NINL: variants seen among roughly 807,000 people sequenced by gnomAD.
NINL encodes ninein like.
Under a neutral mutation model 160.3 loss-of-function variants are expected in NINL, and 153 were observed. That is an observed-to-expected ratio of 0.95 (90% CI 0.84 to 1.09). The LOEUF (loss-of-function observed/expected upper bound fraction) is 1.09. Among genes scored for constraint, NINL ranks in the 50% least tolerant of loss-of-function variants. NINL has a pLI of 0.00. For synonymous variants in NINL, 800 were observed against 734.8 expected, an observed-to-expected ratio of 1.09 and a Z score of -1.43; for missense variants, 1,829 against 1,764.0, an observed-to-expected ratio of 1.04 and a Z score of -0.66.
chr20:25,455,999 G>A (rs574023851), intron 22 of NINL, among the ~76,000 whole-genome samples: 2 of 152,186 alleles, frequency 1.3e-5, no homozygotes, highest in African/African-American at 4.8e-5. Context: ...GGGAGGCTGA[G>A]GCAGGAGAAT....
At position 25,453,435 on chromosome 20, in the gene NINL, A is replaced by G; in HGVS notation, c.*16T>C. ...AAAGATGTGCTTTCGAATGAATCCT[A>G]GAAAATAATCTGTCTTTACACAGAG... On this transcript the variant is annotated 3_prime_UTR_variant, in exon 24 of 24. Transcript: ENST00000278886. 1 of 1,575,838 alleles carries G rather than the reference A, an allele frequency of 6.3e-7. No homozygotes were observed. Among genetic ancestry groups the G allele is most frequent in the Non-Finnish European group, 8.6e-7 (1 of 1,159,054 alleles).
intron 1 of NINL, among the ~76,000 whole-genome samples, chr20:25,550,448 T>C (rs2064793246): frequency 6.6e-6 from 1 of 151,894 alleles, no homozygotes; most frequent in East Asian, 1.9e-4. Flanking sequence ...TGAGGAAAAG[T>C]GGGCCCAGGG....
intron 23 of NINL, 83 bp downstream of exon 23, chr20:25,455,590 G>T: frequency 2.1e-6 from 2 of 947,536 alleles, no homozygotes; most frequent in Non-Finnish European, 3.4e-6. Flanking sequence ...GCCTTTTCCT[G>T]TATTAGCTAC....
chr20:25,574,296 A>C (rs1056496402), intron 1 of NINL, among the ~76,000 whole-genome samples: 1 of 152,214 alleles, frequency 6.6e-6, no homozygotes, highest in Non-Finnish European at 1.5e-5. Context: ...CATTTCAAGA[A>C]ACAAAGCTAG....
chr20:25,464,891 G>A lies in NINL; in HGVS notation c.3424-2350C>T, dbSNP rs1021821887. Among the ~76,000 whole-genome samples, 4 of 152,264 alleles carry A rather than the reference G, an allele frequency of 2.6e-5. No homozygotes were observed. In the South Asian group the frequency reaches 8.3e-4, roughly 32 times the overall value. ...TTTGTCTGGTGCTTCCTTGTGACTC[G>A]AGTGACAAGTTCCTGGGCAGACACT... is the stretch of plus-strand genomic sequence containing the variant. On this transcript the variant is annotated intron_variant, in intron 19 of 23. Transcript: ENST00000278886.
At chr20:25,540,048 T>A (rs1463083880) in intron 1 of NINL, 1 of 1,288,240 alleles carries the variant, frequency 7.8e-7, no homozygotes, top group Admixed American at 2.3e-5. Flanking sequence ...CCTCTTCAGT[T>A]TCTTCTTCAT....
At chr20:25,487,719 T>C (rs1181203371) in intron 13 of NINL, among the ~76,000 whole-genome samples, 1 of 152,246 alleles carries the variant, frequency 6.6e-6, no homozygotes, top group Non-Finnish European at 1.5e-5. Flanking sequence ...AAAGTAACTT[T>C]TCTGTATTGT....
intron 1 of NINL, among the ~76,000 whole-genome samples, chr20:25,559,333 C>G (rs937999473): frequency 6.6e-6 from 1 of 151,868 alleles, no homozygotes; most frequent in Non-Finnish European, 1.5e-5. Flanking sequence ...CTCCACCTCC[C>G]AGGTTCAAGT....
chr20:25,566,011 C>T (rs138356567), intron 1 of NINL, among the ~76,000 whole-genome samples: 2,552 of 152,302 alleles, frequency 0.017, 30 homozygotes, highest in South Asian at 0.048. Flanking sequence ...CAGACCTGGC[C>T]TCAGCCATGC....
intron 16 of NINL, 73 bp from the exon 17 acceptor site, chr20:25,477,162 A>G: frequency 7.2e-7 from 1 of 1,391,770 alleles, no homozygotes; most frequent in Non-Finnish European, 9.5e-7. Context: ...AAGTCTGCCC[A>G]GCTGTTGCAA....
chr20:25,456,330 C>T (rs1398848194), intron 22 of NINL, among the ~76,000 whole-genome samples: 1 of 149,302 alleles, frequency 6.7e-6, no homozygotes, highest in Non-Finnish European at 1.5e-5. Flanking sequence ...GGCGGATTAC[C>T]TGAGCTCAGG....
intron 1 of NINL, among the ~76,000 whole-genome samples, chr20:25,547,469 G>A (rs945903211): frequency 3.9e-5 from 6 of 152,270 alleles, no homozygotes; most frequent in African/African-American, 4.8e-5. Context: ...AGGTCACAAC[G>A]TGGGACTCAT....
At chr20:25,508,208 C>T (rs1450413225) in intron 5 of NINL, among the ~76,000 whole-genome samples, 1 of 152,202 alleles carries the variant, frequency 6.6e-6, no homozygotes, top group Non-Finnish European at 1.5e-5. Context: ...CAAAAAATGG[C>T]CCTGGCATTC....
In NINL at chr20:25,461,513, C is replaced by A; in HGVS notation, c.3696+9G>T. On this transcript the variant is annotated intron_variant, in intron 21 of 23. Transcript: ENST00000278886. ...GGACCCAGTGCCTCCAGCCATCGCTCACACCCACCTGGTCTTGACTTTCCT... is the reference window on the plus strand; with the variant it reads ...GGACCCAGTGCCTCCAGCCATCGCTAACACCCACCTGGTCTTGACTTTCCT... 1 of 1,525,716 alleles carries A rather than the reference C, an allele frequency of 6.6e-7. No homozygotes were observed. The highest frequency in any genetic ancestry group is 1.3e-5 in the South Asian group (1 of 78,322). 94.5% of individuals were successfully genotyped at this position (1,525,716 alleles called of 1,614,324 possible).
intron 19 of NINL, among the ~76,000 whole-genome samples, chr20:25,464,522 C>T (rs1482455412): frequency 6.6e-6 from 1 of 152,220 alleles, no homozygotes; most frequent in Non-Finnish European, 1.5e-5. Flanking sequence ...GGGAAACCAA[C>T]CTGCCTTCCA....
chr20:25,473,494 TAAATAAAATAAAATA>T (rs71185303), intron 17 of NINL, among the ~76,000 whole-genome samples: 26 of 142,168 alleles, frequency 1.8e-4, no homozygotes, highest in East Asian at 6.2e-4. Context: ...AATAATAAAA[TAAATAAAATAAAATA>T]AAATAAAATA....
intron 1 of NINL, among the ~76,000 whole-genome samples, chr20:25,531,466 A>G (rs2064462743): frequency 6.6e-6 from 1 of 152,208 alleles, no homozygotes; most frequent in Non-Finnish European, 1.5e-5. Context: ...AATCTTCACA[A>G]TTTATGTTCA....
chr20:25,506,135 G>A (rs887753319), intron 5 of NINL, among the ~76,000 whole-genome samples: 6 of 152,082 alleles, frequency 3.9e-5, no homozygotes, highest in African/African-American at 1.4e-4. Flanking sequence ...GATGGCAGCC[G>A]CCTGGAATCC....
At chr20:25,531,227 C>T (rs919434196) in intron 1 of NINL, among the ~76,000 whole-genome samples, 3 of 152,208 alleles carry the variant, frequency 2.0e-5, no homozygotes, top group Admixed American at 6.5e-5. Context: ...CTCTTGTTCC[C>T]TGAACATTGC....
Sources: allele counts gnomAD v4.1 joint callset (sites outside exome capture counted in the v4.1 genomes callset), GRCh38; gene constraint gnomAD v4.1.1; transcripts MANE v1.5; gene names NCBI Gene and HGNC (gene_info 2026-07-23, HGNC 2026-07-21).